The following CD2AP variants were observed in gnomAD, a reference collection of about 807,000 sequenced individuals.
The protein encoded by CD2AP is CD2-associated protein.
A neutral mutation model predicts 85.1 loss-of-function variants in CD2AP; 46 were observed. The ratio of observed to expected loss-of-function variants is 0.54; its 90% CI spans 0.43 to 0.69. The LOEUF (loss-of-function observed/expected upper bound fraction) is 0.69, where lower values mean the gene tolerates loss of function less well. Ranked by LOEUF, CD2AP falls within the 30% of genes least tolerant of loss-of-function variation. The pLI, the probability that CD2AP is intolerant of heterozygous loss-of-function variation, is 0.00. For missense variants in CD2AP, 769 were observed against 729.5 expected (o/e 1.05, Z -0.62); for synonymous variants, 255 against 252.9 (o/e 1.01, Z -0.08).
intron 1 of CD2AP, among the ~76,000 whole-genome samples, chr6:47,492,347 C>CTTTTTTTTTTTTTTTTTTTTTTTTTTTTT (rs70999626): frequency 1.0e-5 from 1 of 95,522 alleles, no homozygotes; most frequent in African/African-American, 4.1e-5. Context: ...CACCTGTAAT[C>CTTTTTTTTTTTTTTTTTTTTTTTTTTTTT]TTTTTTTTTT....
chr6:47,582,787 TTTG>T (rs1241872230), intron 11 of CD2AP, among the ~76,000 whole-genome samples: 67 of 100,110 alleles, frequency 6.7e-4, no homozygotes, highest in South Asian at 1.5e-3. Flanking sequence ...TTTGTTTTTT[TTTG>T]TTTTGTTTTT....
chr6:47,532,214 C>T (rs1766900353), intron 2 of CD2AP, among the ~76,000 whole-genome samples: 1 of 151,756 alleles, frequency 6.6e-6, no homozygotes, highest in South Asian at 2.1e-4. Context: ...CACCGAGGCT[C>T]ACTACCATAA....
chr6:47,554,443 G>A (rs1025154098), intron 4 of CD2AP, among the ~76,000 whole-genome samples: 1 of 152,100 alleles, frequency 6.6e-6, no homozygotes, highest in Non-Finnish European at 1.5e-5. Flanking sequence ...TACTGTTGAT[G>A]TATGATTAAT....
chr6:47,570,360 C>A (rs540104705), intron 5 of CD2AP, among the ~76,000 whole-genome samples: 1 of 152,218 alleles, frequency 6.6e-6, no homozygotes, highest in Admixed American at 6.5e-5. Context: ...TAGCAACATA[C>A]ATAAAATGCA....
intron 2 of CD2AP, among the ~76,000 whole-genome samples, chr6:47,521,436 C>T (rs944332048): frequency 6.6e-6 from 1 of 152,060 alleles, no homozygotes; most frequent in Non-Finnish European, 1.5e-5. Flanking sequence ...CCTGTAATTC[C>T]AGCTACTCGG....
intron 1 of CD2AP, among the ~76,000 whole-genome samples, chr6:47,488,481 C>T (rs567856442): frequency 6.6e-6 from 1 of 152,050 alleles, no homozygotes; most frequent in East Asian, 1.9e-4. Context: ...AAAGAAAGTA[C>T]ATTATTTCAT....
intron 2 of CD2AP, among the ~76,000 whole-genome samples, chr6:47,522,820 ATAATG>A (rs1766630181): frequency 6.6e-6 from 1 of 151,818 alleles, no homozygotes; most frequent in African/African-American, 2.4e-5. Flanking sequence ...CATAGTAAAT[ATAATG>A]TAAATTATAT....
intron 17 of CD2AP, among the ~76,000 whole-genome samples, chr6:47,614,104 C>T (rs1426629145): frequency 6.6e-6 from 1 of 152,154 alleles, no homozygotes; most frequent in Non-Finnish European, 1.5e-5. Context: ...CTATCTAGAC[C>T]ACTCAAACTT....
intron 2 of CD2AP, among the ~76,000 whole-genome samples, chr6:47,528,196 A>G (rs932167853): frequency 1.3e-5 from 2 of 152,160 alleles, no homozygotes; most frequent in Admixed American, 6.5e-5. Context: ...GGGGGATGAG[A>G]CAGAGTCTCT....
At chr6:47,585,311 A>G (rs1768595448) in intron 11 of CD2AP, among the ~76,000 whole-genome samples, 1 of 152,106 alleles carries the variant, frequency 6.6e-6, no homozygotes, top group African/African-American at 2.4e-5. Context: ...TCAAAAAAAA[A>G]AAAAGGAAGG....
chr6:47,522,780 A>G (rs980818635), intron 2 of CD2AP, among the ~76,000 whole-genome samples: 2 of 151,876 alleles, frequency 1.3e-5, no homozygotes, highest in African/African-American at 4.8e-5. Context: ...TTATTTAAAA[A>G]TGTTTATTTT....
intron 6 of CD2AP, 83 bp downstream of exon 6, chr6:47,574,334 CTG>C: frequency 7.7e-7 from 1 of 1,294,866 alleles, no homozygotes; most frequent in Non-Finnish European, 1.1e-6. Flanking sequence ...GTTTGTAACT[CTG>C]TTAGATTTCT....
rs908249170 is a variant in CD2AP, at chr6:47,625,801, A to G, written c.*1574A>G. ...ATGCCAGTAAACAACATAATGTTTA[A>G]TTTACAACTTACATTAGGGGTTTGG... On this transcript the variant is annotated 3_prime_UTR_variant, in exon 18 of 18. Transcript: ENST00000359314. 1 of 151,834 alleles carries G rather than the reference A, an allele frequency of 6.6e-6. No homozygotes were observed. Among genetic ancestry groups the G allele is most frequent in the African/African-American group, 2.4e-5 (1 of 41,420 alleles). The allele number at this position is 151,834 out of a possible 1,614,324, so 9.4% of individuals were successfully genotyped here.
chr6:47,595,774 CTT>C (rs1490775876), intron 11 of CD2AP, 85 bp from the exon 12 acceptor site: 1 of 1,124,076 alleles, frequency 8.9e-7, no homozygotes, highest in Non-Finnish European at 1.3e-6. Flanking sequence ...CTCTGTCACA[CTT>C]TTCCAGCCTG....
At chr6:47,529,406 AG>A (rs1354138012) in intron 2 of CD2AP, among the ~76,000 whole-genome samples, 1 of 151,912 alleles carries the variant, frequency 6.6e-6, no homozygotes, top group African/African-American at 2.4e-5. Flanking sequence ...TGCGTACTTG[AG>A]GTTCATTGGT....
chr6:47,549,512 G>A (rs1157788169), intron 4 of CD2AP, among the ~76,000 whole-genome samples: 1 of 147,086 alleles, frequency 6.8e-6, no homozygotes, highest in African/African-American at 2.5e-5. Flanking sequence ...TAACCAAGGA[G>A]TCAAAAGACC....
Sources: allele counts gnomAD v4.1 joint callset (sites outside exome capture counted in the v4.1 genomes callset), GRCh38; gene constraint gnomAD v4.1.1; transcripts MANE v1.5; gene names NCBI Gene and HGNC (gene_info 2026-07-23, HGNC 2026-07-21).